Variants in FANCM observed in about 807,000 individuals in gnomAD.
FANCM encodes FA complementation group M.
A neutral mutation model predicts 199.5 loss-of-function variants in FANCM; 140 were observed. That is an observed-to-expected ratio of 0.70 (90% CI 0.61 to 0.81). FANCM has a LOEUF of 0.81. Among genes scored for constraint, FANCM ranks in the 30% least tolerant of loss-of-function variants. The pLI, the probability that FANCM is intolerant of heterozygous loss-of-function variation, is 0.00. For missense variants in FANCM, 2,410 were observed against 2,421.4 expected, an observed-to-expected ratio of 1.00 and a Z score of 0.10; for synonymous variants, 840 against 836.8, an observed-to-expected ratio of 1.00 and a Z score of -0.07.
intron 2 of FANCM, 175 bp downstream of exon 2, chr14:45,137,416 A>T (rs1203882992): frequency 1.6e-6 from 1 of 620,594 alleles, no homozygotes; most frequent in African/African-American, 1.8e-5. Flanking sequence ...ATCCATTCAA[A>T]TCAGTGTCTT....
At chr14:45,156,372 C>T (rs1171300104) in intron 8 of FANCM, among the ~76,000 whole-genome samples, 2 of 152,042 alleles carry the variant, frequency 1.3e-5, no homozygotes, top group African/African-American at 4.8e-5. Flanking sequence ...AATATTTGTG[C>T]TTTGCAAAAC....
intron 14 of FANCM, among the ~76,000 whole-genome samples, chr14:45,177,701 T>C (rs1191798103): frequency 6.6e-6 from 1 of 152,148 alleles, no homozygotes; most frequent in Non-Finnish European, 1.5e-5. Flanking sequence ...CAAGATTTTA[T>C]ATATAGTGTA....
At chr14:45,149,329 G>T (rs1021536001) in intron 4 of FANCM, among the ~76,000 whole-genome samples, 2 of 151,762 alleles carry the variant, frequency 1.3e-5, no homozygotes, top group Admixed American at 6.6e-5. Flanking sequence ...AGTAGACAAA[G>T]CATAAGTGTA....
chr14:45,197,295 C>T (rs1271803280), intron 21 of FANCM, among the ~76,000 whole-genome samples: 1 of 152,096 alleles, frequency 6.6e-6, no homozygotes, highest in Non-Finnish European at 1.5e-5. Flanking sequence ...TAAGTAAAAG[C>T]ATGTAGGTGA....
chr14:45,177,610 T>C (rs1486147835), intron 14 of FANCM, among the ~76,000 whole-genome samples: 2 of 152,172 alleles, frequency 1.3e-5, no homozygotes, highest in African/African-American at 4.8e-5. Flanking sequence ...CAAGCTGGTC[T>C]TGAACTCCTG....
chr14:45,198,498 T>G, intron 21 of FANCM, 146 bp from the exon 22 acceptor site: 2 of 515,358 alleles, frequency 3.9e-6, no homozygotes, highest in African/African-American at 1.9e-5. Context: ...TTGAGAAACA[T>G]TAGTTGTAGG....
At chr14:45,137,656 A>C (rs1490150499) in intron 2 of FANCM, 1 of 213,666 alleles carries the variant, frequency 4.7e-6, no homozygotes, top group Non-Finnish European at 9.6e-6. Flanking sequence ...CATACCTAAC[A>C]CAGTGCCTTC....
At chr14:45,140,046 T>C (rs957892797) in intron 2 of FANCM, among the ~76,000 whole-genome samples, 2 of 152,196 alleles carry the variant, frequency 1.3e-5, no homozygotes, top group African/African-American at 4.8e-5. Flanking sequence ...AAAAAATCTT[T>C]CCCAAAATTT....
chr14:45,187,759 C>G, intron 18 of FANCM, 22 bp from the exon 19 acceptor site: 1 of 1,196,712 alleles, frequency 8.4e-7, no homozygotes, highest in Non-Finnish European at 1.2e-6. Flanking sequence ...GCTAATTTAT[C>G]TAAATTCTTA....
At chr14:45,187,697 T>C (rs1373949737) in intron 18 of FANCM, 84 bp from the exon 19 acceptor site, 1 of 676,216 alleles carries the variant, frequency 1.5e-6, no homozygotes, top group Non-Finnish European at 2.7e-6. Flanking sequence ...ATCAAGTAAA[T>C]TTGAAATAGA....
intron 7 of FANCM, 74 bp downstream of exon 7, chr14:45,154,896 T>G (rs1170729245): frequency 8.9e-7 from 1 of 1,118,476 alleles, no homozygotes; most frequent in Non-Finnish European, 1.3e-6. Flanking sequence ...TTTTGCTCCT[T>G]TGATGCAAAT....
chr14:45,166,324 A>G (rs978890465), intron 10 of FANCM, among the ~76,000 whole-genome samples: 1 of 151,592 alleles, frequency 6.6e-6, no homozygotes, highest in African/African-American at 2.4e-5. Context: ...TTTTCAGTAG[A>G]GACGAGGGTT....
At chr14:45,161,190 A>T (rs1464540097) in intron 9 of FANCM, among the ~76,000 whole-genome samples, 3 of 152,136 alleles carry the variant, frequency 2.0e-5, no homozygotes, top group African/African-American at 7.2e-5. Flanking sequence ...TTTATCATTT[A>T]CTCATTTATG....
At chr14:45,141,595 T>C (rs1885962551) in intron 3 of FANCM, among the ~76,000 whole-genome samples, 2 of 131,354 alleles carry the variant, frequency 1.5e-5, no homozygotes, top group Admixed American at 1.5e-4. Flanking sequence ...TTTCTTTCTC[T>C]TTTTTTTTTT....
At chr14:45,146,875 G>C (rs909392995) in intron 3 of FANCM, among the ~76,000 whole-genome samples, 1 of 149,958 alleles carries the variant, frequency 6.7e-6, no homozygotes, top group Non-Finnish European at 1.5e-5. Context: ...CCTTCAGAAA[G>C]GTCTATTCTA....
chr14:45,147,747 G>A (rs1322203805), intron 3 of FANCM, among the ~76,000 whole-genome samples: 1 of 151,630 alleles, frequency 6.6e-6, no homozygotes, highest in Non-Finnish European at 1.5e-5. Flanking sequence ...ACAAAAATTA[G>A]CTGGGCATGG....
chr14:45,151,652 C>A, intron 5 of FANCM, 124 bp downstream of exon 5: 2 of 879,174 alleles, frequency 2.3e-6, no homozygotes, highest in Non-Finnish European at 3.7e-6. Flanking sequence ...AGGCCGAACA[C>A]AGTGGCTGAT....
intron 10 of FANCM, among the ~76,000 whole-genome samples, chr14:45,165,284 A>C (rs1005898167): frequency 6.6e-6 from 1 of 152,226 alleles, no homozygotes. Context: ...TAGGCTGGAC[A>C]TGGTGGCTCA....
chr14:45,137,094 G>A lies in FANCM; in HGVS notation c.534G>A (p.Lys178=). The A allele has an allele frequency of 1.2e-6, 2 of 1,613,440 alleles. No homozygotes were observed. Among genetic ancestry groups the A allele is most frequent in the Non-Finnish European group, 1.7e-6 (2 of 1,179,510 alleles). The change falls in exon 2 of 23, where the codon AAG becomes AAA. Residue 178 remains lysine (K), a synonymous_variant. Coordinates refer to ENST00000267430, the MANE Select transcript of FANCM (RefSeq NM_020937.4). ...MTGSTQASTR[K]EIWCSKRVLF... ...GGTCTACACAAGCTTCCACCAGGAA[G>A]GAAATATGGTGCAGTAAGAGAGTGC...
Sources: allele counts gnomAD v4.1 joint callset (sites outside exome capture counted in the v4.1 genomes callset), GRCh38; gene constraint gnomAD v4.1.1; transcripts MANE v1.5; gene names NCBI Gene and HGNC (gene_info 2026-07-23, HGNC 2026-07-21).